Variants in ALMS1 observed in about 807,000 individuals in gnomAD.
The protein encoded by ALMS1 is ALMS1 centrosome and basal body associated protein, also known as centrosome-associated protein ALMS1.
A neutral mutation model predicts 352.2 loss-of-function variants in ALMS1; 271 were observed. The ratio of observed to expected loss-of-function variants is 0.77; its 90% confidence interval spans 0.70 to 0.85. ALMS1 has a LOEUF of 0.85. Among genes scored for constraint, ALMS1 ranks in the 40% least tolerant of loss-of-function variants. The pLI, the probability that ALMS1 is intolerant of heterozygous loss-of-function variation, is 0.00. For synonymous variants in ALMS1, 1,865 were observed against 1,761.2 expected, an observed-to-expected ratio of 1.06 and a Z score of -1.48; for missense variants, 5,445 against 4,870.7, an observed-to-expected ratio of 1.12 and a Z score of -3.51.
intron 16 of ALMS1, among the ~76,000 whole-genome samples, chr2:73,587,266 A>AT (rs1291230796): frequency 1.3e-5 from 2 of 151,704 alleles, no homozygotes; most frequent in Non-Finnish European, 2.9e-5. Context: ...GGTGCTCTTT[A>AT]TTTTTTTCTC....
chr2:73,500,753 A>G (rs983473063), intron 10 of ALMS1, among the ~76,000 whole-genome samples: 1 of 152,146 alleles, frequency 6.6e-6, no homozygotes, highest in Non-Finnish European at 1.5e-5. Context: ...TGACAGAGGA[A>G]ACAAAAATGA....
intron 10 of ALMS1, among the ~76,000 whole-genome samples, chr2:73,519,349 A>G (rs1673624753): frequency 1.3e-5 from 2 of 152,168 alleles, no homozygotes; most frequent in African/African-American, 4.8e-5. Context: ...TGATCTCAAG[A>G]TATAACTGCA....
chr2:73,472,044 C>A (rs767873419), intron 9 of ALMS1, among the ~76,000 whole-genome samples: 2 of 151,992 alleles, frequency 1.3e-5, no homozygotes, highest in Non-Finnish European at 2.9e-5. Context: ...TATGTGACAA[C>A]ATGGATGACC....
intron 15 of ALMS1, among the ~76,000 whole-genome samples, chr2:73,561,278 A>C (rs1286398454): frequency 2.6e-5 from 4 of 152,190 alleles, no homozygotes; most frequent in Non-Finnish European, 5.9e-5. Flanking sequence ...CTAGTTACAG[A>C]GAACAGGAAT....
At chr2:73,542,154 A>G (rs1312222713) in intron 12 of ALMS1, among the ~76,000 whole-genome samples, 2 of 152,218 alleles carry the variant, frequency 1.3e-5, no homozygotes, top group Middle Eastern at 3.2e-3. Context: ...GCAGCACATC[A>G]AAAAGCTTAC....
At chr2:73,432,351 T>A (rs1671517273) in intron 7 of ALMS1, 60 bp downstream of exon 7, 3 of 1,200,010 alleles carry the variant, frequency 2.5e-6, no homozygotes, top group Non-Finnish European at 3.7e-6. Flanking sequence ...AAAAAATATC[T>A]TGTTAGGTCT....
chr2:73,489,876 T>C lies in ALMS1; in HGVS notation c.7917T>C (p.His2639=), dbSNP rs1672938733. ...LSASLDQNNS[H]FKVWNSLQLK... ...CATCCTTAGACCAGAACAACTCCCA[T>C]TTCAAAGTTTGGAATTCCTTGCAGT... is the stretch of plus-strand genomic sequence containing the variant. Residue 2639 remains histidine, a synonymous_variant, in exon 10 of 23, where the codon CAT becomes CAC. Transcript: ENST00000613296. 6.2e-7 allele frequency: 1 copy of C among 1,614,062 alleles called. No homozygotes were observed. Among genetic ancestry groups the C allele is most frequent in the African/African-American group, 1.3e-5 (1 of 74,920 alleles).
At chr2:73,534,989 TTTTA>T (rs1270618725) in intron 12 of ALMS1, 40 bp downstream of exon 12, 1 of 1,611,540 alleles carries the variant, frequency 6.2e-7, no homozygotes, top group African/African-American at 1.3e-5. Context: ...TTGTTTGATA[TTTTA>T]TTTGTGTATT....
At chr2:73,503,862 C>T (rs1673266391) in intron 10 of ALMS1, among the ~76,000 whole-genome samples, 1 of 152,104 alleles carries the variant, frequency 6.6e-6, no homozygotes, top group Non-Finnish European at 1.5e-5. Context: ...GGCATGAAAG[C>T]TCTTAGGCAC....
Position 73,419,208 on chromosome 2 carries a change from C to T in ALMS1, c.536C>T (p.Thr179Met), listed in dbSNP as rs768531502. Residue 179 changes from threonine (T) to methionine (M), a missense_variant, in exon 3 of 23, where the codon ACG becomes ATG. Physicochemically the swap from Thr to Met is moderately conservative, Grantham distance 81 (BLOSUM62 -1). Coordinates refer to ENST00000613296, the MANE Select transcript of ALMS1 (RefSeq NM_001378454.1). Reference protein sequence around the residue: ...DTSQTRFNVRTEDTEVTDFPS... With the variant: ...DTSQTRFNVRMEDTEVTDFPS... ...TCCCAGACTAGGTTTAATGTGAGAA[C>T]GGAAGATACTGAAGTGACAGACTTC... 34 of 1,613,740 alleles carry T rather than the reference C, an allele frequency of 2.1e-5. 1 individual carries two copies. The highest frequency in any genetic ancestry group is 2.6e-5 in the Non-Finnish European group (31 of 1,179,818).
chr2:73,553,836 T>A (rs1318437462), intron 13 of ALMS1, among the ~76,000 whole-genome samples: 2 of 152,120 alleles, frequency 1.3e-5, no homozygotes, highest in Non-Finnish European at 2.9e-5. Flanking sequence ...GATCTTAGTA[T>A]ATAGTATAAG....
Position 73,386,139 on chromosome 2 carries a change from C to T in ALMS1, c.271C>T (p.Leu91=), listed in dbSNP as rs1670522503. 6.4e-7 allele frequency: 1 copy of T among 1,561,470 alleles called. No homozygotes were observed. Among genetic ancestry groups the T allele is most frequent in the East Asian group, 2.4e-5 (1 of 41,526 alleles). The change falls in exon 1 of 23, where the codon CTG becomes TTG. Residue 91 remains leucine, a synonymous_variant. Coordinates refer to ENST00000613296, the MANE Select transcript of ALMS1 (RefSeq NM_001378454.1). ...QAHPGRILPP[L]SPPQHRYSEG... The stretch of plus-strand genomic sequence containing the variant: ...GCACCCCGGCAGGATTTTGCCTCCG[C>T]TGTCGCCCCCGCAGCACCGCTACTC...
chr2:73,396,913 G>C (rs1226766248), intron 1 of ALMS1, among the ~76,000 whole-genome samples: 7 of 152,130 alleles, frequency 4.6e-5, no homozygotes, highest in Non-Finnish European at 7.4e-5. Context: ...CAAAGTGCTA[G>C]GATTACAGGC....
intron 12 of ALMS1, among the ~76,000 whole-genome samples, chr2:73,543,039 A>T (rs1198335466): frequency 3.3e-5 from 5 of 152,056 alleles, no homozygotes; most frequent in African/African-American, 1.2e-4. Flanking sequence ...TGGAACAAAA[A>T]AAGAGCCTGC....
intron 10 of ALMS1, among the ~76,000 whole-genome samples, chr2:73,516,919 A>G (rs1673569254): frequency 6.6e-6 from 1 of 152,094 alleles, no homozygotes; most frequent in Non-Finnish European, 1.5e-5. Flanking sequence ...ACATTTGGCA[A>G]ATGTTTTAAG....
chr2:73,440,438 C>T (rs1252864220), intron 7 of ALMS1, among the ~76,000 whole-genome samples: 2 of 152,266 alleles, frequency 1.3e-5, no homozygotes, highest in East Asian at 3.9e-4. Flanking sequence ...CTCCCTCTCT[C>T]TCGCGTTCGC....
At position 73,448,798 on chromosome 2, in the gene ALMS1, A is replaced by G. The variant is rs770172498; in HGVS notation, c.2271A>G (p.Pro757=). 1.9e-6 allele frequency: 3 copies of G among 1,614,152 alleles called. No individual in the cohort carries two copies. The highest frequency in any genetic ancestry group is 4.5e-5 in the East Asian group (2 of 44,876). The change falls in exon 8 of 23, where the codon CCA becomes CCG. Residue 757 remains proline, a synonymous_variant. Coordinates refer to ENST00000613296, the MANE Select transcript of ALMS1 (RefSeq NM_001378454.1). ...PGPADQKTEI[P]AVQSSSYSQR... ...CAGCTGACCAGAAGACTGAGATACC[A>G]GCAGTACAGTCTAGTTCTTACTCAC... is the stretch of plus-strand genomic sequence containing the variant.
chr2:73,581,328 G>T (rs1483098272), intron 16 of ALMS1, among the ~76,000 whole-genome samples: 1 of 152,148 alleles, frequency 6.6e-6, no homozygotes, highest in Non-Finnish European at 1.5e-5. Flanking sequence ...CAGGTCCCTT[G>T]TGTCAGTCCA....
chr2:73,537,155 C>G (rs1480877910), intron 12 of ALMS1, among the ~76,000 whole-genome samples: 3 of 152,128 alleles, frequency 2.0e-5, no homozygotes, highest in Non-Finnish European at 2.9e-5. Context: ...AGATGTTTAT[C>G]AAAAACATTT....
Sources: allele counts gnomAD v4.1 joint callset (sites outside exome capture counted in the v4.1 genomes callset), GRCh38; gene constraint gnomAD v4.1.1; transcripts MANE v1.5; gene names NCBI Gene and HGNC (gene_info 2026-07-23, HGNC 2026-07-21).